GORASP1: variants seen among roughly 807,000 people sequenced by gnomAD.
GORASP1 encodes the protein golgi reassembly stacking protein 1.
Under a neutral mutation model 37.7 loss-of-function variants are expected in GORASP1, and 31 were observed. The observed-to-expected ratio is 0.82, with a 90% CI of 0.62 to 1.11. The LOEUF is 1.11. Ranked by LOEUF, GORASP1 falls within the 50% of genes least tolerant of loss-of-function variation. The pLI is 0.00. For synonymous variants in GORASP1, 204 were observed against 224.8 expected, an observed-to-expected ratio of 0.91 and a Z score of 0.83; for missense variants, 476 against 560.7, an observed-to-expected ratio of 0.85 and a Z score of 1.53.
At position 39,099,461 on chromosome 3, in the gene GORASP1, G is replaced by A. The variant is rs766485651; in HGVS notation, c.808C>T (p.Pro270Ser). Residue 270 changes from proline to serine, a missense_variant, in exon 7 of 9, where the codon CCT (proline) becomes TCT (serine). By Grantham distance (74) the Pro-to-Ser change is moderately conservative. Transcript: ENST00000319283. ...CTGTGGCTGGGACTCCCAGGCCCAG[G>A]AAGGGGATCCTCCATGGAGGAGCCA... ...APGSSMEDPL[P>S]GPGSPSHSAP... 5.2e-5 allele frequency: 84 copies of A among 1,611,264 alleles called. No homozygotes were observed. The highest frequency in any genetic ancestry group is 6.6e-5 in the Non-Finnish European group (78 of 1,178,944).
rs758394894 is a variant in GORASP1, at chr3:39,104,429, T to C, written c.64-876A>G. Among the ~76,000 whole-genome samples the C allele has an allele frequency of 3.9e-5, 6 of 152,130 alleles. 1 individual carries two copies. Among genetic ancestry groups the C allele is most frequent in the Non-Finnish European group, 7.4e-5 (5 of 68,012 alleles). On this transcript the variant is annotated intron_variant, in intron 1 of 8. Transcript: ENST00000319283. ...CATATACAGAGCCTGGCTTAAACAA[T>C]GCAGGCTTTGTCCCAAGGCCCTAGA... is the stretch of plus-strand genomic sequence containing the variant.
At position 39,103,465 on chromosome 3, in the gene GORASP1, G is replaced by A. The variant is rs771912648; in HGVS notation, c.144+8C>T. The A allele has an allele frequency of 6.2e-7, 1 of 1,607,850 alleles. No individual in the cohort carries two copies. Among genetic ancestry groups the A allele is most frequent in the Middle Eastern group, 1.7e-4 (1 of 6,022 alleles). ...GCAAGCAAAGCAGAGGCAGGTTGGG[G>A]AACTCACCAGCCTCGAGTGCCCAAT... On this transcript the variant is annotated splice_region_variant and intron_variant, in intron 2 of 8. Transcript: ENST00000319283. The surrounding 1 kb of genome is among the most constrained non-coding windows in gnomAD (Gnocchi z 5.2).
In GORASP1 at chr3:39,102,539, C is replaced by T. The variant is rs1479675117; in HGVS notation, c.348+139G>A. On this transcript the variant is annotated intron_variant, in intron 3 of 8. Transcript: ENST00000319283. The surrounding 1 kb of genome is among the most constrained non-coding windows in gnomAD (Gnocchi z 5.0). ...GACACTGGAATGAGACCACATCCTG[C>T]CCTCAGTCTTCCCTGGCCACTGCTC... 2 of 777,260 alleles carry T rather than the reference C, an allele frequency of 2.6e-6. No individual in the cohort carries two copies. Among genetic ancestry groups the T allele is most frequent in the Non-Finnish European group, 4.3e-6 (2 of 464,632 alleles). The allele number at this position is 777,260 out of a possible 1,614,324, so 48.1% of individuals were successfully genotyped here. A position where few individuals can be genotyped will look rare whatever the true frequency, so the allele number is the denominator to read the frequency against.
At position 39,107,091 on chromosome 3, in the gene GORASP1, A is replaced by G. The variant is rs748003042; in HGVS notation, c.63+388T>C. On this transcript the variant is annotated intron_variant, in intron 1 of 8. Transcript: ENST00000319283. ...CCTCGGCGTGGCTGACTCTCTTCCC[A>G]GGCCCAGCACGGAGAGCGGCCCGCG... The G allele has an allele frequency of 3.0e-4, 141 of 472,020 alleles. 1 individual carries two copies. Among genetic ancestry groups the G allele is most frequent in the South Asian group, 2.0e-3 (132 of 64,626 alleles). 29.2% of individuals were successfully genotyped at this position (472,020 alleles called of 1,614,324 possible). A position where few individuals can be genotyped will look rare whatever the true frequency, so the allele number is the denominator to read the frequency against.
At chr3:39,107,376 G>C (rs2036260586) in intron 1 of GORASP1, 103 bp downstream of exon 1, 1 of 759,144 alleles carries the variant, frequency 1.3e-6, no homozygotes, top group Non-Finnish European at 1.8e-6. Flanking sequence ...GAAACACTCG[G>C]GCCGGGACCC....
intron 1 of GORASP1, among the ~76,000 whole-genome samples, chr3:39,106,516 A>C (rs576202289): frequency 6.6e-6 from 1 of 152,240 alleles, no homozygotes; most frequent in East Asian, 1.9e-4. Flanking sequence ...CCTGGTTTTC[A>C]CGTTAAGAAA....
At chr3:39,101,362 G>C in intron 3 of GORASP1, 1 of 594,072 alleles carries the variant, frequency 1.7e-6, no homozygotes, top group Admixed American at 2.6e-5. Flanking sequence ...TCAACCCCTG[G>C]CTCCAGCTGC....
At chr3:39,106,828 T>G (rs1182997794) in intron 1 of GORASP1, 4 of 277,692 alleles carry the variant, frequency 1.4e-5, no homozygotes, top group Admixed American at 4.7e-5. Context: ...TCCGGAAGCC[T>G]GCTCGCCCAG....
chr3:39,098,436 C>G lies in GORASP1; in HGVS notation c.1123G>C (p.Gly375Arg), dbSNP rs749090849. The G allele has an allele frequency of 6.2e-7, 1 of 1,614,172 alleles. No individual in the cohort carries two copies. Among genetic ancestry groups the G allele is most frequent in the Non-Finnish European group, 8.5e-7 (1 of 1,180,020 alleles). ...AGGTGGTCCGCCTGGGCTTGGGCACCTGGGCTGTCCAGGAAGGAGACCTCA... is the reference window on the plus strand; with the variant it reads ...AGGTGGTCCGCCTGGGCTTGGGCACGTGGGCTGTCCAGGAAGGAGACCTCA... Reference protein sequence around the residue: ...EFEVSFLDSPGAQAQADHLPQ... With the variant: ...EFEVSFLDSPRAQAQADHLPQ... Residue 375 changes from glycine (G) to arginine (R), a missense_variant, in exon 9 of 9, where the codon GGT becomes CGT. Physicochemically the swap from Gly to Arg is moderately radical, Grantham distance 125. Coordinates refer to ENST00000319283, the MANE Select transcript of GORASP1 (RefSeq NM_031899.4). This position sits in a 1 kb window ranked among gnomAD's most constrained non-coding sequence, Gnocchi z 4.7.
chr3:39,104,855 C>A (rs916828393), intron 1 of GORASP1, among the ~76,000 whole-genome samples: 1 of 152,238 alleles, frequency 6.6e-6, no homozygotes, highest in Non-Finnish European at 1.5e-5. Context: ...GGCCCCGCTG[C>A]AGGGGAGCTC....
Position 39,100,633 on chromosome 3 carries a change from T to TCCCTGGG in GORASP1, c.566+107_566+113dup, listed in dbSNP as rs1174985830. On this transcript the variant is annotated intron_variant, in intron 5 of 8. Coordinates refer to ENST00000319283, the MANE Select transcript of GORASP1 (RefSeq NM_031899.4). This position sits in a 1 kb window ranked among gnomAD's most constrained non-coding sequence, Gnocchi z 4.6. Reference sequence around the variant, plus strand: ...TCTGAAATACCGGTCAGCCTCAGGATCCCTGGGCCCAGGGCCCAACCCTCC... The same window carrying TCCCTGGG: ...TCTGAAATACCGGTCAGCCTCAGGATCCCTGGGCCCTGGGCCCAGGGCCCAACCCTCC... 1 of 1,489,160 alleles carries TCCCTGGG rather than the reference T, an allele frequency of 6.7e-7. No homozygotes were observed. The highest frequency in any genetic ancestry group is 2.3e-5 in the East Asian group (1 of 44,126). The allele number at this position is 1,489,160 out of a possible 1,614,324, so 92.2% of individuals were successfully genotyped here.
In GORASP1 at chr3:39,103,480, G is replaced by A. The variant is rs746821695; in HGVS notation, c.137C>T (p.Ser46Leu). ...GCAGGTTGGGGAACTCACCAGCCTC[G>A]AGTGCCCAATGGTGATGATGAAGTC... The part of the protein sequence containing the change: ...YFDFIITIGH[S>L]RLNKENDTLK... The change falls in exon 2 of 9, where the codon TCG (serine) becomes TTG (leucine). Residue 46 changes from serine to leucine, a missense_variant. Transcript: ENST00000319283. This position sits in a 1 kb window ranked among gnomAD's most constrained non-coding sequence, Gnocchi z 5.2. 6 of 1,612,454 alleles carry A rather than the reference G, an allele frequency of 3.7e-6. No individual in the cohort carries two copies. The highest frequency in any genetic ancestry group is 3.3e-5 in the South Asian group (3 of 90,946).
intron 1 of GORASP1, chr3:39,107,190 G>A: frequency 1.9e-6 from 1 of 536,578 alleles, no homozygotes; most frequent in South Asian, 1.6e-5. Context: ...CACCCGGGAG[G>A]AGCGCCATTC....
At position 39,098,294 on chromosome 3, in the gene GORASP1, T is replaced by C. The variant is rs1462921895; in HGVS notation, c.1265A>G (p.Asp422Gly). Residue 422 changes from aspartate (D) to glycine (G), a missense_variant, in exon 9 of 9, where the codon GAT becomes GGT. By Grantham distance (94) the Asp-to-Gly change is moderately conservative. Transcript: ENST00000319283. This position sits in a 1 kb window ranked among gnomAD's most constrained non-coding sequence, Gnocchi z 4.7. ...CAGCCCCTCAGCCTCCGTCCCAGTATCTAGGCCCTCTGTGCTTGCTGGTTC... is the reference window on the plus strand; with the variant it reads ...CAGCCCCTCAGCCTCCGTCCCAGTACCTAGGCCCTCTGTGCTTGCTGGTTC... ...EEEPASTEGLDTGTEAEGLDS... is the reference protein window; with the variant it reads ...EEEPASTEGLGTGTEAEGLDS... The C allele has an allele frequency of 6.2e-7, 1 of 1,614,032 alleles. No homozygotes were observed. Among genetic ancestry groups the C allele is most frequent in the African/African-American group, 1.3e-5 (1 of 74,904 alleles).
chr3:39,097,223 G>C lies in GORASP1; in HGVS notation c.*1013C>G, dbSNP rs562573687. ...AACTAGGCACAAGCTAGAAGACGAGGCCAGAGCAGCTTTCATAGTAATTAG... is the reference window on the plus strand; with the variant it reads ...AACTAGGCACAAGCTAGAAGACGAGCCCAGAGCAGCTTTCATAGTAATTAG... On this transcript the variant is annotated 3_prime_UTR_variant, in exon 9 of 9. Transcript: ENST00000319283. The C allele has an allele frequency of 6.6e-6, 1 of 152,324 alleles. No homozygotes were observed. The highest frequency in any genetic ancestry group is 2.4e-5 in the African/African-American group (1 of 41,556). The allele number at this position is 152,324 out of a possible 1,614,324, so 9.4% of individuals were successfully genotyped here.
In GORASP1 at chr3:39,105,651, G is replaced by A. The variant is rs1673151881; in HGVS notation, c.63+1828C>T. On this transcript the variant is annotated intron_variant, in intron 1 of 8. Coordinates refer to ENST00000319283, the MANE Select transcript of GORASP1 (RefSeq NM_031899.4). This position sits in a 1 kb window ranked among gnomAD's most constrained non-coding sequence, Gnocchi z 5.4. ...CAAAGTATTGGGCACGCAGCGAGGT[G>A]CCAATATTTCTAGAATGCAGCACAG... 6.6e-6 allele frequency among the ~76,000 whole-genome samples: 1 copy of A among 152,202 alleles called. No individual in the cohort carries two copies. Among genetic ancestry groups the A allele is most frequent in the Non-Finnish European group, 1.5e-5 (1 of 68,042 alleles).
At position 39,102,606 on chromosome 3, in the gene GORASP1, C is replaced by T. The variant is rs983857801; in HGVS notation, c.348+72G>A. The stretch of plus-strand genomic sequence containing the variant: ...CTCCTGCATGTACCCCCTCACACCC[C>T]GCCCACACCCAGACCTGCCCCAGTA... On this transcript the variant is annotated intron_variant, in intron 3 of 8. Transcript: ENST00000319283. This position sits in a 1 kb window ranked among gnomAD's most constrained non-coding sequence, Gnocchi z 5.0. 6 of 1,499,938 alleles carry T rather than the reference C, an allele frequency of 4.0e-6. No homozygotes were observed. The highest frequency in any genetic ancestry group is 2.8e-5 in the African/African-American group (2 of 72,346). The allele number at this position is 1,499,938 out of a possible 1,614,324, so 92.9% of individuals were successfully genotyped here.
intron 3 of GORASP1, 124 bp from the exon 4 acceptor site, chr3:39,101,226 G>T: frequency 1.2e-6 from 1 of 818,046 alleles, no homozygotes; most frequent in African/African-American, 1.7e-5. Context: ...CCTAAGCAGG[G>T]CTTCAAGCCC....
Position 39,100,899 on chromosome 3 carries a change from T to A in GORASP1, c.436-22A>T. ...CGGACTGTGAGAAACGCATAGCACCTGAGGCCTGCTTCCAGGGCTAAAGCC... is the reference window on the plus strand; with the variant it reads ...CGGACTGTGAGAAACGCATAGCACCAGAGGCCTGCTTCCAGGGCTAAAGCC... On this transcript the variant is annotated intron_variant, in intron 4 of 8. Transcript: ENST00000319283. This position sits in a 1 kb window ranked among gnomAD's most constrained non-coding sequence, Gnocchi z 4.6. 6.2e-7 allele frequency: 1 copy of A among 1,614,138 alleles called. No individual in the cohort carries two copies. Among genetic ancestry groups the A allele is most frequent in the Non-Finnish European group, 8.5e-7 (1 of 1,179,980 alleles).
Sources: gnomAD v4.1 joint callset for allele counts (sites outside exome capture counted in the v4.1 genomes callset) on GRCh38, gnomAD v4.1.1 for gene constraint, Gnocchi (gnomAD v3.1) non-coding constraint, MANE v1.5 for transcripts, NCBI Gene and HGNC (gene_info 2026-07-23, HGNC 2026-07-21) for gene names.